The following RYR2 variants were observed in gnomAD, a reference collection of about 807,000 sequenced individuals.
RYR2 encodes the protein ryanodine receptor 2, also known as cardiac muscle ryanodine receptor-calcium release channel.
Under a neutral mutation model 601.1 loss-of-function variants are expected in RYR2, and 227 were observed. That is an observed-to-expected ratio of 0.38 (90% CI 0.34 to 0.42). RYR2 has a LOEUF of 0.42. Ranked by LOEUF, RYR2 falls within the 10% of genes least tolerant of loss-of-function variation. The pLI is 1.00. For synonymous variants in RYR2, 2,223 were observed against 2,175.1 expected, an observed-to-expected ratio of 1.02 and a Z score of -0.61; for missense variants, 4,646 against 6,156.5, an observed-to-expected ratio of 0.75 and a Z score of 8.21.
Position 237,140,483 on chromosome 1 carries a change from T to C in RYR2, c.48+97914T>C, listed in dbSNP as rs1037602439. On this transcript the variant is annotated intron_variant, in intron 1 of 104. Coordinates refer to ENST00000366574, the MANE Select transcript of RYR2 (RefSeq NM_001035.3). Reference sequence around the variant, plus strand: ...AGAACACACAACACTGATGCCCCAATTGGGGGTGTCTGAAATACCCCAGCA... The same window carrying C: ...AGAACACACAACACTGATGCCCCAACTGGGGGTGTCTGAAATACCCCAGCA... Among the ~76,000 whole-genome samples, 14 of 152,326 alleles carry C rather than the reference T, an allele frequency of 9.2e-5. No homozygotes were observed. In the South Asian group the frequency reaches 2.1e-3, roughly 23 times the overall value.
At chr1:237,705,444 A>G (rs568817040) in intron 67 of RYR2, 101 bp downstream of exon 67, 19 of 936,464 alleles carry the variant, frequency 2.0e-5, no homozygotes, top group Middle Eastern at 3.2e-4. Context: ...TCAGTTTACT[A>G]TATCCAATCT....
At chr1:237,632,647 T>G (rs1680474025) in intron 42 of RYR2, among the ~76,000 whole-genome samples, 1 of 151,998 alleles carries the variant, frequency 6.6e-6, no homozygotes, top group South Asian at 2.1e-4. Flanking sequence ...CTTCCTGCCT[T>G]GGCCTCCCAA....
At position 237,506,737 on chromosome 1, in the gene RYR2, A is replaced by G. The variant is rs773162223; in HGVS notation, c.2641A>G (p.Ile881Val). 6.2e-7 allele frequency: 1 copy of G among 1,613,588 alleles called. No individual in the cohort carries two copies. The highest frequency in any genetic ancestry group is 1.1e-5 in the South Asian group (1 of 90,922). ...CGTGTTGCCTCCTCATCTAGAAAGA[A>G]TAAGAGAAAAACTGGCAGAGAATAT... ...QIVLPPHLER[I>V]REKLAENIHE... The change falls in exon 23 of 105, where the codon ATA becomes GTA. Residue 881 changes from isoleucine (I) to valine (V), a missense_variant. Around this residue, in one of 17 missense-constraint regions of RYR2, gnomAD observed 1,807 missense variants for 2,088.1 expected, o/e 0.87. Coordinates refer to ENST00000366574, the MANE Select transcript of RYR2 (RefSeq NM_001035.3).
intron 24 of RYR2, among the ~76,000 whole-genome samples, chr1:237,524,194 C>A (rs1472885423): frequency 6.6e-6 from 1 of 152,152 alleles, no homozygotes; most frequent in African/African-American, 2.4e-5. Flanking sequence ...AAAATGTGAT[C>A]CAGTATTACA....
At chr1:237,268,746 A>C (rs1283939833) in intron 1 of RYR2, among the ~76,000 whole-genome samples, 1 of 151,240 alleles carries the variant, frequency 6.6e-6, no homozygotes. Flanking sequence ...GACCATCCTG[A>C]CCAACATGGT....
chr1:237,101,660 G>A (rs1668119798), intron 1 of RYR2, among the ~76,000 whole-genome samples: 1 of 152,196 alleles, frequency 6.6e-6, no homozygotes, highest in Non-Finnish European at 1.5e-5. Flanking sequence ...AATGCCACAT[G>A]GGTGGCAGAC....
chr1:237,136,407 A>ACGCAGGGGCC (rs1672781068), intron 1 of RYR2, among the ~76,000 whole-genome samples: 1 of 152,130 alleles, frequency 6.6e-6, no homozygotes, highest in African/African-American at 2.4e-5. Flanking sequence ...TATGCATGCT[A>ACGCAGGGGCC]TGCAGGGGCC....
At position 237,772,280 on chromosome 1, in the gene RYR2, G is replaced by C. The variant is rs138878717; in HGVS notation, c.11646+180G>C. Among the ~76,000 whole-genome samples the C allele has an allele frequency of 0.011, 1,630 of 152,266 alleles. 18 individuals carry two copies. Among genetic ancestry groups the C allele is most frequent in the Middle Eastern group, 0.021 (6 of 292 alleles). On this transcript the variant is annotated intron_variant, in intron 86 of 104. Transcript: ENST00000366574. ...GCCACTGTTATCTCTGCTTCTGAACGTGCCTCCTACTTTTGCTCATTATTT... is the reference window on the plus strand; with the variant it reads ...GCCACTGTTATCTCTGCTTCTGAACCTGCCTCCTACTTTTGCTCATTATTT...
intron 24 of RYR2, among the ~76,000 whole-genome samples, chr1:237,518,175 A>G (rs190153367): frequency 1.2e-3 from 190 of 152,190 alleles, no homozygotes; most frequent in Non-Finnish European, 1.9e-3. Context: ...CTAAGCTACC[A>G]TTGTTTCCCA....
chr1:237,611,085 A>G (rs939964119), intron 36 of RYR2, 97 bp downstream of exon 36: 63 of 960,082 alleles, frequency 6.6e-5, no homozygotes, highest in South Asian at 4.6e-4. Flanking sequence ...GGGTGGTTCT[A>G]AAGAAACAAG....
In RYR2 at chr1:237,469,227, C is replaced by T. The variant is rs747110911; in HGVS notation, c.1708+40C>T. 20 of 978,338 alleles carry T rather than the reference C, an allele frequency of 2.0e-5. No individual in the cohort carries two copies. In the African/African-American group the frequency reaches 2.0e-4, roughly 10 times the overall value. 60.6% of individuals were successfully genotyped at this position (978,338 alleles called of 1,614,324 possible). On this transcript the variant is annotated intron_variant, in intron 17 of 104. Transcript: ENST00000366574. Reference sequence around the variant, plus strand: ...TTTTTCCTTGTTGTGATAGATCACTCCTATTTTTCTTTGCTTCGTATCCTT... The same window carrying T: ...TTTTTCCTTGTTGTGATAGATCACTTCTATTTTTCTTTGCTTCGTATCCTT...
rs200792529 is a variant in RYR2, at chr1:237,073,864, CT to C, written c.48+31297del. Among the ~76,000 whole-genome samples, 121 of 42,958 alleles carry C rather than the reference CT, an allele frequency of 2.8e-3. No individual in the cohort carries two copies. The Middle Eastern group carries it at 0.058, about 20-fold the overall frequency. 28.2% of individuals were successfully genotyped at this position (42,958 alleles called of 152,430 possible). A position where few individuals can be genotyped will look rare whatever the true frequency, so the allele number is the denominator to read the frequency against. Reference sequence around the variant, plus strand: ...CCAGCCTGGGCGACAGAGACTCCATCTTAAAAAAAAAAAAAAAAAAGCTTCA... The same window carrying C: ...CCAGCCTGGGCGACAGAGACTCCATCTAAAAAAAAAAAAAAAAAAGCTTCA... On this transcript the variant is annotated intron_variant, in intron 1 of 104. Transcript: ENST00000366574.
At chr1:237,188,914 C>T (rs1235431179) in intron 1 of RYR2, among the ~76,000 whole-genome samples, 1 of 151,994 alleles carries the variant, frequency 6.6e-6, no homozygotes, top group Non-Finnish European at 1.5e-5. Context: ...ATTAAATTTC[C>T]CATCTTAGCC....
At chr1:237,455,277 C>A (rs1026258349) in intron 15 of RYR2, among the ~76,000 whole-genome samples, 11 of 151,946 alleles carry the variant, frequency 7.2e-5, no homozygotes, top group Non-Finnish European at 1.5e-4. Context: ...GCTGGATTCC[C>A]ATTCTTTTCA....
chr1:237,687,620 A>G, intron 63 of RYR2, 116 bp downstream of exon 63: 4 of 804,300 alleles, frequency 5.0e-6, no homozygotes, highest in Non-Finnish European at 8.5e-6. Flanking sequence ...GGCTGCATGC[A>G]TGGTCGTTGC....
At chr1:237,786,135 A>T in intron 91 of RYR2, 99 bp downstream of exon 91, 1 of 751,544 alleles carries the variant, frequency 1.3e-6, no homozygotes, top group Non-Finnish European at 2.2e-6. Flanking sequence ...AGAATCTCAT[A>T]TTGTCAAGGA....
At chr1:237,499,823 G>A (rs1472216593) in intron 20 of RYR2, among the ~76,000 whole-genome samples, 1 of 152,290 alleles carries the variant, frequency 6.6e-6, no homozygotes, top group South Asian at 2.1e-4. Flanking sequence ...TGAAGGTTTT[G>A]TTTATGTTTA....
chr1:237,270,489 C>A lies in RYR2; in HGVS notation c.49-8C>A. On this transcript the variant is annotated splice_polypyrimidine_tract_variant and splice_region_variant and intron_variant, in intron 1 of 104. Coordinates refer to ENST00000366574, the MANE Select transcript of RYR2 (RefSeq NM_001035.3). ...CTTATTTTTCCCTCTCTTTCTCCCC[C>A]TTTGCAGGATGATGAAGTGGTTCTG... 6.4e-7 allele frequency: 1 copy of A among 1,569,892 alleles called. No individual in the cohort carries two copies. The highest frequency in any genetic ancestry group is 8.6e-7 in the Non-Finnish European group (1 of 1,156,510).
intron 1 of RYR2, among the ~76,000 whole-genome samples, chr1:237,248,419 A>G (rs1220486430): frequency 1.3e-5 from 2 of 151,934 alleles, no homozygotes; most frequent in African/African-American, 2.4e-5. Flanking sequence ...TATCTTCAAC[A>G]TGAACTCTGG....
Sources: allele counts gnomAD v4.1 joint callset (sites outside exome capture counted in the v4.1 genomes callset), GRCh38; gene constraint gnomAD v4.1.1; regional missense constraint gnomAD v4.1.1; transcripts MANE v1.5; gene names NCBI Gene and HGNC (gene_info 2026-07-23, HGNC 2026-07-21).